Variants in CACNA1H observed in about 807,000 individuals in gnomAD.
CACNA1H encodes the protein voltage-dependent T-type calcium channel subunit alpha-1H.
A neutral mutation model predicts 192.5 loss-of-function variants in CACNA1H; 149 were observed. That is an observed-to-expected ratio of 0.77 (90% confidence interval 0.68 to 0.89). The LOEUF is 0.89. Among genes scored for constraint, CACNA1H ranks in the 40% least tolerant of loss-of-function variants. The pLI, the probability that CACNA1H is intolerant of heterozygous loss-of-function variation, is 0.00. For missense variants in CACNA1H, 4,257 were observed against 3,423.5 expected, an observed-to-expected ratio of 1.24 and a Z score of -6.08; for synonymous variants, 2,202 against 1,475.2, an observed-to-expected ratio of 1.49 and a Z score of -11.29.
chr16:1,190,705 G>A (rs1275944296), intron 2 of CACNA1H, among the ~76,000 whole-genome samples: 1 of 152,282 alleles, frequency 6.6e-6, no homozygotes, highest in African/African-American at 2.4e-5. Flanking sequence ...ACAGGCACAG[G>A]GGTGGGGTCC....
chr16:1,165,732 C>T (rs540132259), intron 2 of CACNA1H, among the ~76,000 whole-genome samples: 1 of 152,238 alleles, frequency 6.6e-6, no homozygotes, highest in African/African-American at 2.4e-5. Flanking sequence ...CACCCCGGCT[C>T]ACAGTGCGGG....
Position 1,206,212 on chromosome 16 carries a change from G to T in CACNA1H, c.2712G>T (p.Gln904His). 6.3e-7 allele frequency: 1 copy of T among 1,593,084 alleles called. No individual in the cohort carries two copies. The highest frequency in any genetic ancestry group is 8.5e-7 in the Non-Finnish European group (1 of 1,170,778). Residue 904 changes from glutamine to histidine, a missense_variant, in exon 12 of 35, where the codon CAG becomes CAT. Transcript: ENST00000348261. Reference sequence around the variant, plus strand: ...GCTTTCTGCCAGCCCTGCGGCGCCAGCTCGTGGTGCTGGTGAAGACCATGG... The same window carrying T: ...GCTTTCTGCCAGCCCTGCGGCGCCATCTCGTGGTGCTGGTGAAGACCATGG... ...LVRFLPALRR[Q>H]LVVLVKTMDN... is the part of the protein sequence containing the mutation.
At chr16:1,214,899 G>A (rs959984491) in intron 27 of CACNA1H, 73 bp from the exon 28 acceptor site, 24 of 1,163,394 alleles carry the variant, frequency 2.1e-5, no homozygotes, top group Admixed American at 7.9e-5. Flanking sequence ...GCACTCGGGC[G>A]TGCAGAGTGG....
At position 1,209,305 on chromosome 16, in the gene CACNA1H, A is replaced by C. The variant is rs1453912018; in HGVS notation, c.3637A>C (p.Lys1213Gln). 6.3e-7 allele frequency: 1 copy of C among 1,594,712 alleles called. No homozygotes were observed. The highest frequency in any genetic ancestry group is 8.5e-7 in the Non-Finnish European group (1 of 1,177,436). ...PLRPAALPPTKCRDRDGQVVA... is the reference protein window; with the variant it reads ...PLRPAALPPTQCRDRDGQVVA... Reference sequence around the variant, plus strand: ...GCGGCCGGCCGCCCTCCCGCCTACCAAGTGCCGCGATCGCGACGGGCAGGT... The same window carrying C: ...GCGGCCGGCCGCCCTCCCGCCTACCCAGTGCCGCGATCGCGACGGGCAGGT... Residue 1213 changes from lysine to glutamine, a missense_variant, in exon 17 of 35, where the codon AAG becomes CAG. By Grantham distance (53) the Lys-to-Gln change is moderately conservative. Coordinates refer to ENST00000348261, the MANE Select transcript of CACNA1H (RefSeq NM_021098.3).
chr16:1,177,933 C>T (rs1402900464), intron 2 of CACNA1H, among the ~76,000 whole-genome samples: 1 of 151,866 alleles, frequency 6.6e-6, no homozygotes, highest in Non-Finnish European at 1.5e-5. Context: ...CCGTCCCCAG[C>T]AGGTGCCCGG....
At position 1,215,086 on chromosome 16, in the gene CACNA1H, G is replaced by A. The variant is rs752428780; in HGVS notation, c.5039+5G>A. 1 of 1,609,046 alleles carries A rather than the reference G, an allele frequency of 6.2e-7. No individual in the cohort carries two copies. Among genetic ancestry groups the A allele is most frequent in the Non-Finnish European group, 8.5e-7 (1 of 1,177,348 alleles). ...CCGTCGGTTCTTCAAGGACAGGTGT[G>A]TGTGGTGGGGCCGTCTTGGGTTCTG... is the stretch of plus-strand genomic sequence containing the variant. On this transcript the variant is annotated splice_donor_5th_base_variant and intron_variant, in intron 28 of 34. Transcript: ENST00000348261.
Position 1,221,653 on chromosome 16 carries a change from T to G in CACNA1H, c.*659T>G. On this transcript the variant is annotated 3_prime_UTR_variant, in exon 35 of 35. Coordinates refer to ENST00000348261, the MANE Select transcript of CACNA1H (RefSeq NM_021098.3). ...GCCGCGAGATTCCCATTGACACCTT[T>G]GTTTCGTGTGCTTTTAAATTCAGGT... The G allele has an allele frequency of 1.0e-6, 1 of 991,548 alleles. No individual in the cohort carries two copies. The highest frequency in any genetic ancestry group is 1.4e-6 in the Non-Finnish European group (1 of 689,706). 61.4% of individuals were successfully genotyped at this position (991,548 alleles called of 1,614,324 possible).
At chr16:1,161,333 C>T (rs574739333) in intron 2 of CACNA1H, among the ~76,000 whole-genome samples, 18 of 152,288 alleles carry the variant, frequency 1.2e-4, no homozygotes, top group Non-Finnish European at 1.8e-4. Context: ...CTCTGTTGAC[C>T]GCCAGGCCGC....
intron 2 of CACNA1H, among the ~76,000 whole-genome samples, chr16:1,186,402 G>T (rs549607799): frequency 2.0e-5 from 3 of 152,168 alleles, no homozygotes; most frequent in East Asian, 1.9e-4. Flanking sequence ...AATTGCACAC[G>T]CAGGGCCTGG....
At chr16:1,161,764 G>A (rs1040581052) in intron 2 of CACNA1H, among the ~76,000 whole-genome samples, 3 of 152,210 alleles carry the variant, frequency 2.0e-5, no homozygotes, top group Admixed American at 2.0e-4. Context: ...TGCGGCGGCT[G>A]ATGGGGGACA....
At chr16:1,163,827 A>T (rs1963472285) in intron 2 of CACNA1H, among the ~76,000 whole-genome samples, 1 of 152,138 alleles carries the variant, frequency 6.6e-6, no homozygotes, top group African/African-American at 2.4e-5. Context: ...AGGCCCCGGG[A>T]TGCCACCTCC....
intron 2 of CACNA1H, chr16:1,158,080 C>T (rs530148303): frequency 1.3e-5 from 2 of 152,442 alleles, no homozygotes; most frequent in South Asian, 4.1e-4. Flanking sequence ...AAGCCACCGA[C>T]TGGCATTGCA....
chr16:1,171,512 G>A (rs947574008), intron 2 of CACNA1H, among the ~76,000 whole-genome samples: 8 of 152,206 alleles, frequency 5.3e-5, no homozygotes, highest in East Asian at 1.9e-4. Context: ...AACAAAGGTC[G>A]AATGGAGATG....
Position 1,153,848 on chromosome 16 carries a change from A to G in CACNA1H, c.111A>G (p.Gly37=). The change falls in exon 2 of 35, where the codon GGA becomes GGG. Residue 37 remains glycine (G), a synonymous_variant. Transcript: ENST00000348261. The part of the protein sequence containing the change: ...GASPESPGAP[G]REAERGSELG... The stretch of plus-strand genomic sequence containing the variant: ...CCCCGGAGAGCCCCGGGGCGCCGGG[A>G]CGCGAGGCGGAGCGGGGGTCCGAGC... 1 of 1,322,346 alleles carries G rather than the reference A, an allele frequency of 7.6e-7. No homozygotes were observed. The highest frequency in any genetic ancestry group is 9.6e-7 in the Non-Finnish European group (1 of 1,037,734). The allele number at this position is 1,322,346 out of a possible 1,614,324, so 81.9% of individuals were successfully genotyped here.
rs745870510 is a variant in CACNA1H, at chr16:1,215,235, C to T, written c.5040-7C>T. On this transcript the variant is annotated splice_polypyrimidine_tract_variant and splice_region_variant and intron_variant, in intron 28 of 34. Transcript: ENST00000348261. ...CAGACGTGTGCGCTGAGCCTCCGGC[C>T]ACACAGGTGGAACCAGCTGGACCTG... 1.4e-5 allele frequency: 22 copies of T among 1,599,386 alleles called. No homozygotes were observed. The highest frequency in any genetic ancestry group is 3.4e-5 in the South Asian group (3 of 88,992).
rs372361783 is a variant in CACNA1H, at chr16:1,211,310, G to A, written c.4350+16G>A. On this transcript the variant is annotated intron_variant, in intron 22 of 34. Coordinates refer to ENST00000348261, the MANE Select transcript of CACNA1H (RefSeq NM_021098.3). ...GGGTGTGCAGGTGTGTGGCCCCCAC[G>A]TGCCCGGGGGTCTGCCCCGTCGCAG... The A allele has an allele frequency of 5.7e-5, 92 of 1,612,670 alleles. No homozygotes were observed. The highest frequency in any genetic ancestry group is 2.9e-4 in the South Asian group (26 of 91,074).
At position 1,207,015 on chromosome 16, in the gene CACNA1H, A is replaced by G. The variant is rs1968810543; in HGVS notation, c.2804A>G (p.His935Arg). 6.3e-7 allele frequency: 1 copy of G among 1,584,546 alleles called. No homozygotes were observed. ...CCCACCCTCAGCATCCTGGGCATGCACCTTTTCGGCTGCAAGTTCAGCCTG... is the reference window on the plus strand; with the variant it reads ...CCCACCCTCAGCATCCTGGGCATGCGCCTTTTCGGCTGCAAGTTCAGCCTG... ...FIFIFSILGM[H>R]LFGCKFSLKT... The change falls in exon 13 of 35, where the codon CAC becomes CGC. Residue 935 changes from histidine (H) to arginine (R), a missense_variant. His to Arg is a conservative substitution (Grantham distance 29). Transcript: ENST00000348261.
intron 5 of CACNA1H, among the ~76,000 whole-genome samples, chr16:1,197,572 G>A (rs118146757): frequency 0.03 from 4,537 of 152,310 alleles, 99 homozygotes; most frequent in Non-Finnish European, 0.048. Context: ...GCTGCATCCT[G>A]TTCTGTTGGC....
intron 18 of CACNA1H, 28 bp from the exon 19 acceptor site, chr16:1,210,342 C>CCCCAGAA: frequency 1.0e-6 from 1 of 999,086 alleles, no homozygotes. Context: ...CGCCCCGCCC[C>CCCCAGAA]ACCTCTCACC....
Sources: gnomAD v4.1 joint callset for allele counts (sites outside exome capture counted in the v4.1 genomes callset) on GRCh38, gnomAD v4.1.1 for gene constraint, MANE v1.5 for transcripts, NCBI Gene and HGNC (gene_info 2026-07-23, HGNC 2026-07-21) for gene names.